CCDC192: variants seen among roughly 807,000 people sequenced by gnomAD.
CCDC192 encodes the protein coiled-coil domain-containing protein 192.
At chr5:127,892,601 T>A (rs190075049) in intron 6 of CCDC192, among the ~76,000 whole-genome samples, 564 of 152,324 alleles carry the variant, frequency 3.7e-3, no homozygotes, top group Non-Finnish European at 6.0e-3. Context: ...TTTATCTTTG[T>A]GAGCTCTAGT....
chr5:127,882,607 T>A (rs959167155), intron 6 of CCDC192, among the ~76,000 whole-genome samples: 2 of 152,206 alleles, frequency 1.3e-5, no homozygotes, highest in Admixed American at 6.5e-5. Context: ...GAAATTTATG[T>A]TATGTGAACT....
intron 2 of CCDC192, among the ~76,000 whole-genome samples, chr5:127,747,341 G>A (rs189105827): frequency 4.6e-5 from 7 of 151,770 alleles, no homozygotes; most frequent in Non-Finnish European, 7.4e-5. Flanking sequence ...CCACCTATGA[G>A]TGAGAATATG....
At chr5:127,858,282 G>A (rs900127290) in intron 5 of CCDC192, among the ~76,000 whole-genome samples, 1 of 152,054 alleles carries the variant, frequency 6.6e-6, no homozygotes, top group Non-Finnish European at 1.5e-5. Flanking sequence ...TCTGCCCGAG[G>A]CCCTCTGGAT....
At chr5:127,704,480 G>A (rs1304210448) in intron 1 of CCDC192, among the ~76,000 whole-genome samples, 11 of 152,170 alleles carry the variant, frequency 7.2e-5, no homozygotes, top group Non-Finnish European at 2.9e-5. Flanking sequence ...GAGCCACCGT[G>A]CCTGGCCTGC....
Position 127,787,179 on chromosome 5 carries a change from A to G in CCDC192, c.223-9924A>G, listed in dbSNP as rs369505195. 21 of 209,592 alleles carry G rather than the reference A, an allele frequency of 1.0e-4. No individual in the cohort carries two copies. The East Asian group carries it at 2.3e-3, about 23-fold the overall frequency. 13.0% of individuals were successfully genotyped at this position (209,592 alleles called of 1,614,324 possible). A position where few individuals can be genotyped will look rare whatever the true frequency, so the allele number is the denominator to read the frequency against. On this transcript the variant is annotated intron_variant, in intron 3 of 6. Transcript: ENST00000514853. ...GAAAGAATGTCCTTTAAGTGTAGAGAGTGAAATATATTGCAGGCAAACTCA... is the reference window on the plus strand; with the variant it reads ...GAAAGAATGTCCTTTAAGTGTAGAGGGTGAAATATATTGCAGGCAAACTCA...
chr5:127,714,313 A>G (rs1286761884), intron 2 of CCDC192, among the ~76,000 whole-genome samples: 1 of 152,202 alleles, frequency 6.6e-6, no homozygotes, highest in African/African-American at 2.4e-5. Context: ...GAGTGTGCAG[A>G]TATCTCTTTG....
At chr5:127,792,973 G>A (rs1231100054) in intron 3 of CCDC192, among the ~76,000 whole-genome samples, 1 of 152,106 alleles carries the variant, frequency 6.6e-6, no homozygotes, top group African/African-American at 2.4e-5. Flanking sequence ...GAAAATAGAT[G>A]TCTTAGTCAT....
chr5:127,808,572 G>C (rs1461613424), intron 5 of CCDC192, among the ~76,000 whole-genome samples: 1 of 152,052 alleles, frequency 6.6e-6, no homozygotes, highest in Non-Finnish European at 1.5e-5. Flanking sequence ...GCTCGTTTGA[G>C]GACTTGGAAT....
intron 3 of CCDC192, among the ~76,000 whole-genome samples, chr5:127,768,947 C>T (rs1467936431): frequency 6.6e-6 from 1 of 152,218 alleles, no homozygotes; most frequent in Non-Finnish European, 1.5e-5. Context: ...TCCAGTTCAG[C>T]TTGCAAAGCA....
chr5:127,755,901 G>T (rs1422416465), intron 3 of CCDC192, among the ~76,000 whole-genome samples: 1 of 152,026 alleles, frequency 6.6e-6, no homozygotes, highest in Non-Finnish European at 1.5e-5. Flanking sequence ...GGGAGGCTGA[G>T]GCGGGTGGAT....
chr5:127,777,297 C>A (rs899302697), intron 3 of CCDC192, among the ~76,000 whole-genome samples: 3 of 152,196 alleles, frequency 2.0e-5, no homozygotes, highest in Admixed American at 2.0e-4. Flanking sequence ...GATTTGATTG[C>A]CCTGCTGGAT....
intron 2 of CCDC192, among the ~76,000 whole-genome samples, chr5:127,737,433 A>T (rs1753086690): frequency 6.6e-6 from 1 of 151,878 alleles, no homozygotes; most frequent in Non-Finnish European, 1.5e-5. Flanking sequence ...AGTTCTGTAG[A>T]TGTCTATTAG....
At chr5:127,938,949 T>C (rs78101127) in intron 6 of CCDC192, among the ~76,000 whole-genome samples, 5,236 of 148,170 alleles carry the variant, frequency 0.035, 294 homozygotes, top group African/African-American at 0.12. Context: ...AGGTGAGAGC[T>C]TGGCACACCA....
At chr5:127,873,903 T>C (rs982984131) in intron 5 of CCDC192, among the ~76,000 whole-genome samples, 4 of 152,194 alleles carry the variant, frequency 2.6e-5, no homozygotes, top group Non-Finnish European at 4.4e-5. Flanking sequence ...AAAACACAGC[T>C]GTCCAGCTGT....
chr5:127,796,879 C>T (rs1334918325), intron 3 of CCDC192, among the ~76,000 whole-genome samples: 1 of 152,134 alleles, frequency 6.6e-6, no homozygotes, highest in Non-Finnish European at 1.5e-5. Flanking sequence ...TGTAACTATG[C>T]GATTTCATCT....
chr5:127,761,135 A>G (rs1580613204), intron 3 of CCDC192, among the ~76,000 whole-genome samples: 1 of 152,190 alleles, frequency 6.6e-6, no homozygotes, highest in East Asian at 1.9e-4. Flanking sequence ...GTGGCTTTGC[A>G]CGCTGTTCAA....
At chr5:127,750,121 T>C (rs1754051341) in intron 2 of CCDC192, among the ~76,000 whole-genome samples, 1 of 152,254 alleles carries the variant, frequency 6.6e-6, no homozygotes. Context: ...CCTTCACTTC[T>C]GCTCGGATTT....
intron 2 of CCDC192, among the ~76,000 whole-genome samples, chr5:127,728,401 A>G (rs1385525226): frequency 6.6e-6 from 1 of 152,226 alleles, no homozygotes; most frequent in African/African-American, 2.4e-5. Flanking sequence ...TCAACATTCT[A>G]AAAGAAAAGA....
At chr5:127,825,726 T>C (rs1749496836) in intron 5 of CCDC192, among the ~76,000 whole-genome samples, 1 of 152,222 alleles carries the variant, frequency 6.6e-6, no homozygotes, top group South Asian at 2.1e-4. Flanking sequence ...GGCCAAAGAT[T>C]TTTACTAGTT....
Sources: gnomAD v4.1 joint callset for allele counts (sites outside exome capture counted in the v4.1 genomes callset) on GRCh38, gnomAD v4.1.1 for gene constraint, MANE v1.5 for transcripts, NCBI Gene and HGNC (gene_info 2026-07-23, HGNC 2026-07-21) for gene names.